NRXN1: variants seen among roughly 807,000 people sequenced by gnomAD.
The protein encoded by NRXN1 is neurexin-1.
A neutral mutation model predicts 150.9 loss-of-function variants in NRXN1; 39 were observed. That is an observed-to-expected ratio of 0.26 (90% CI 0.20 to 0.34). The LOEUF (loss-of-function observed/expected upper bound fraction) is 0.34, where lower values mean the gene tolerates loss of function less well. NRXN1 is among the 10% of genes least tolerant of loss of function. The probability of loss-of-function intolerance (pLI) is 1.00; values close to 1 mark genes in which losing one functional copy is unlikely to be tolerated. For missense variants in NRXN1, 1,815 were observed against 1,949.9 expected (o/e 0.93, Z 1.30); for synonymous variants, 924 against 757.0 (o/e 1.22, Z -3.62).
chr2:50,733,715 T>C (rs1698381469), intron 5 of NRXN1, among the ~76,000 whole-genome samples: 1 of 152,138 alleles, frequency 6.6e-6, no homozygotes, highest in Non-Finnish European at 1.5e-5. Context: ...TAATATTTGA[T>C]AATACAGTCT....
chr2:50,546,410 T>A (rs1045715593), intron 9 of NRXN1, among the ~76,000 whole-genome samples: 1 of 152,174 alleles, frequency 6.6e-6, no homozygotes, highest in Non-Finnish European at 1.5e-5. Flanking sequence ...CTAGCTCAGG[T>A]ACTTCTGAAA....
intron 18 of NRXN1, among the ~76,000 whole-genome samples, chr2:50,144,934 T>G (rs976807027): frequency 1.3e-5 from 2 of 151,712 alleles, no homozygotes; most frequent in Non-Finnish European, 3.0e-5. Context: ...AAATTATATT[T>G]TAGTTATTCA....
chr2:49,998,892 C>T (rs765457877), intron 21 of NRXN1, among the ~76,000 whole-genome samples: 1 of 152,140 alleles, frequency 6.6e-6, no homozygotes, highest in Non-Finnish European at 1.5e-5. Context: ...TTTTTTACTA[C>T]TGTCGTTGTA....
At chr2:50,084,731 G>A (rs534286051) in intron 19 of NRXN1, among the ~76,000 whole-genome samples, 1 of 152,304 alleles carries the variant, frequency 6.6e-6, no homozygotes, top group African/African-American at 2.4e-5. Context: ...CCGAGAGCGA[G>A]GGAGGGCTGC....
At chr2:50,033,969 G>GAAAAA (rs61264442) in intron 21 of NRXN1, among the ~76,000 whole-genome samples, 4 of 109,936 alleles carry the variant, frequency 3.6e-5, no homozygotes, top group African/African-American at 3.2e-5. Flanking sequence ...TTAAAAAGTG[G>GAAAAA]AAAAAAAAAA....
At chr2:50,758,103 T>C (rs1701372955) in intron 5 of NRXN1, 1 of 151,806 alleles carries the variant, frequency 6.6e-6, no homozygotes, top group Non-Finnish European at 1.5e-5. Flanking sequence ...ATTAGTGAAG[T>C]CCTTCCTTAT....
At position 50,538,546 on chromosome 2, in the gene NRXN1, C is replaced by G. The variant is rs780931684; in HGVS notation, c.1850G>C (p.Gly617Ala). 2.5e-6 allele frequency: 4 copies of G among 1,584,620 alleles called. No individual in the cohort carries two copies. Among genetic ancestry groups the G allele is most frequent in the African/African-American group, 2.7e-5 (2 of 74,498 alleles). The change falls in exon 10 of 23, where the codon GGG becomes GCG. Residue 617 changes from glycine (G) to alanine (A), a missense_variant. Around this residue, in one of 6 missense-constraint regions of NRXN1, gnomAD observed 638 missense variants for 652.6 expected, o/e 0.98. Coordinates refer to ENST00000401669, the MANE Select transcript of NRXN1 (RefSeq NM_001330078.2). ...LDLDDELYLGGLPENKAGLVF... is the reference protein window; with the variant it reads ...LDLDDELYLGALPENKAGLVF... Reference sequence around the variant, plus strand: ...AAGGCCAGCTTTATTTTCTGGCAGCCCCCCCAGGTACAACTCATCATCCAG... The same window carrying G: ...AAGGCCAGCTTTATTTTCTGGCAGCGCCCCCAGGTACAACTCATCATCCAG...
intron 9 of NRXN1, among the ~76,000 whole-genome samples, chr2:50,548,546 T>A (rs181620559): frequency 1.4e-3 from 214 of 152,238 alleles, no homozygotes; most frequent in Admixed American, 2.4e-3. Flanking sequence ...ATTTTATTTT[T>A]TTTTAGAGTA....
At chr2:51,024,997 G>C (rs899961681) in intron 2 of NRXN1, among the ~76,000 whole-genome samples, 2 of 152,064 alleles carry the variant, frequency 1.3e-5, no homozygotes, top group Non-Finnish European at 2.9e-5. Context: ...TGTATTGGGA[G>C]AATCATCCAT....
At chr2:50,812,255 G>T (rs139299263) in intron 5 of NRXN1, among the ~76,000 whole-genome samples, 38 of 152,268 alleles carry the variant, frequency 2.5e-4, no homozygotes, top group African/African-American at 8.9e-4. Flanking sequence ...GAATGACTTT[G>T]TCTAGCAACA....
chr2:50,834,931 T>C (rs1043369588), intron 5 of NRXN1, among the ~76,000 whole-genome samples: 3 of 152,222 alleles, frequency 2.0e-5, no homozygotes, highest in African/African-American at 7.2e-5. Context: ...AGTGTCTTCT[T>C]AGCCTACTTT....
At chr2:50,381,319 T>C (rs1471832910) in intron 17 of NRXN1, among the ~76,000 whole-genome samples, 1 of 151,938 alleles carries the variant, frequency 6.6e-6, no homozygotes, top group African/African-American at 2.4e-5. Context: ...TTCTGGGTGG[T>C]TTCATCTTAT....
At chr2:50,753,378 G>C (rs1339363047) in intron 5 of NRXN1, among the ~76,000 whole-genome samples, 4 of 151,770 alleles carry the variant, frequency 2.6e-5, no homozygotes, top group African/African-American at 9.7e-5. Context: ...AACTAGGAAG[G>C]CTCCTAGCAA....
At chr2:50,590,465 A>G (rs555438628) in intron 8 of NRXN1, among the ~76,000 whole-genome samples, 2 of 152,254 alleles carry the variant, frequency 1.3e-5, no homozygotes, top group South Asian at 4.1e-4. Flanking sequence ...ACCTTTATAT[A>G]CCTAAGCAAT....
At chr2:50,251,388 T>C (rs1035761727) in intron 17 of NRXN1, among the ~76,000 whole-genome samples, 10 of 152,166 alleles carry the variant, frequency 6.6e-5, no homozygotes, top group Non-Finnish European at 1.5e-4. Flanking sequence ...TACATAGTAT[T>C]CCATAGTGTA....
chr2:50,099,284 C>T (rs569493550), intron 18 of NRXN1, among the ~76,000 whole-genome samples: 1 of 152,178 alleles, frequency 6.6e-6, no homozygotes, highest in East Asian at 1.9e-4. Flanking sequence ...CTGGTGTATT[C>T]CTCATTGTAT....
chr2:49,949,154 A>G (rs1012555314), intron 21 of NRXN1, among the ~76,000 whole-genome samples: 1 of 151,964 alleles, frequency 6.6e-6, no homozygotes, highest in African/African-American at 2.4e-5. Flanking sequence ...ACGGGGGCAA[A>G]AGAATGTTCT....
At chr2:49,974,120 G>A in intron 21 of NRXN1, 1 of 715,804 alleles carries the variant, frequency 1.4e-6, no homozygotes, top group Non-Finnish European at 2.6e-6. Flanking sequence ...TGACTCAGTG[G>A]GAGATCAAGA....
At chr2:50,090,729 G>T (rs1294236758) in intron 19 of NRXN1, among the ~76,000 whole-genome samples, 1 of 151,970 alleles carries the variant, frequency 6.6e-6, no homozygotes, top group Non-Finnish European at 1.5e-5. Context: ...AATGAGTAGT[G>T]CTAGTGTCAA....
Sources: allele counts gnomAD v4.1 joint callset (sites outside exome capture counted in the v4.1 genomes callset), GRCh38; gene constraint gnomAD v4.1.1; regional missense constraint gnomAD v4.1.1; transcripts MANE v1.5; gene names NCBI Gene and HGNC (gene_info 2026-07-23, HGNC 2026-07-21).